The following AP3D1 variants were observed in gnomAD, a reference collection of about 807,000 sequenced individuals.
AP3D1 encodes the protein adaptor related protein complex 3 subunit delta 1, also known as AP-3 complex subunit delta-1.
Under a neutral mutation model 147.6 loss-of-function variants are expected in AP3D1, and 51 were observed. The observed-to-expected ratio is 0.35, with a 90% CI of 0.28 to 0.44. The LOEUF (loss-of-function observed/expected upper bound fraction) is 0.44. Among genes scored for constraint, AP3D1 ranks in the 20% least tolerant of loss-of-function variants. The probability of loss-of-function intolerance (pLI) is 1.00; values close to 1 mark genes in which losing one functional copy is unlikely to be tolerated. For synonymous variants in AP3D1, 760 were observed against 663.0 expected, an observed-to-expected ratio of 1.15 and a Z score of -2.25; for missense variants, 1,421 against 1,624.2, an observed-to-expected ratio of 0.87 and a Z score of 2.15.
chr19:2,133,693 G>A (rs2019006966), intron 4 of AP3D1, among the ~76,000 whole-genome samples: 1 of 151,986 alleles, frequency 6.6e-6, no homozygotes, highest in African/African-American at 2.4e-5. Context: ...TAGTACAGAT[G>A]GGGTTTTACC....
Position 2,136,881 on chromosome 19 carries a change from G to A in AP3D1, c.354+130C>T, listed in dbSNP as rs919756123. On this transcript the variant is annotated intron_variant, in intron 4 of 31. Transcript: ENST00000643116. ...CGTCTGCTGGGAGGACTGTGGCTCC[G>A]GAAGCCCCGCTCGCACTCAAGGGGG... The A allele has an allele frequency of 7.8e-5, 65 of 830,364 alleles. 1 individual carries two copies. Among genetic ancestry groups the A allele is most frequent in the Middle Eastern group, 3.3e-4 (1 of 3,006 alleles). The allele number at this position is 830,364 out of a possible 1,614,324, so 51.4% of individuals were successfully genotyped here.
At chr19:2,164,048 G>GGCGGCC (rs2019811919) in intron 1 of AP3D1, 1 of 468,726 alleles carries the variant, frequency 2.1e-6, no homozygotes, top group Non-Finnish European at 2.9e-6. Flanking sequence ...CGGCGGCGGC[G>GGCGGCC]GCGGCCGAGG....
At chr19:2,104,361 A>G (rs1293555531) in intron 31 of AP3D1, among the ~76,000 whole-genome samples, 1 of 122,644 alleles carries the variant, frequency 8.2e-6, no homozygotes, top group Non-Finnish European at 1.9e-5. Flanking sequence ...CTGAGACGCC[A>G]ACACCCAGAC....
At chr19:2,123,721 G>T in intron 10 of AP3D1, 109 bp downstream of exon 10, 1 of 1,347,208 alleles carries the variant, frequency 7.4e-7, no homozygotes, top group Non-Finnish European at 1.0e-6. Context: ...CCGCAAGATG[G>T]CGTGGGGGGA....
intron 1 of AP3D1, among the ~76,000 whole-genome samples, chr19:2,140,108 C>T (rs1490840096): frequency 6.6e-6 from 1 of 152,124 alleles, no homozygotes; most frequent in African/African-American, 2.4e-5. Flanking sequence ...CTCCCATCCC[C>T]GGAGCAAGGA....
At chr19:2,136,747 G>A (rs550945247) in intron 4 of AP3D1, among the ~76,000 whole-genome samples, 1 of 152,284 alleles carries the variant, frequency 6.6e-6, no homozygotes, top group African/African-American at 2.4e-5. Context: ...CCATTCGCCG[G>A]CCCCTCCAGG....
chr19:2,163,839 C>T (rs1272347306), intron 1 of AP3D1, among the ~76,000 whole-genome samples: 6 of 150,422 alleles, frequency 4.0e-5, no homozygotes, highest in African/African-American at 1.5e-4. Context: ...GTGGCGCGCG[C>T]GGGTCGGCCC....
In AP3D1 at chr19:2,127,841, G is replaced by C. The variant is rs763010408; in HGVS notation, c.807-640C>G. The stretch of plus-strand genomic sequence containing the variant: ...AGCTCCCAGCCCTTTTCGGTGTTTC[G>C]ATGTGTTCAGACACACAGATAATCA... On this transcript the variant is annotated intron_variant, in intron 8 of 31. Transcript: ENST00000643116. Among the ~76,000 whole-genome samples the C allele has an allele frequency of 2.0e-5, 3 of 152,160 alleles. No individual in the cohort carries two copies. The South Asian group carries it at 6.2e-4, about 31-fold the overall frequency.
In AP3D1 at chr19:2,111,797, C is replaced by T. The variant is rs2018288395; in HGVS notation, c.2819G>A (p.Arg940Lys). 6.2e-7 allele frequency: 1 copy of T among 1,613,886 alleles called. No individual in the cohort carries two copies. Among genetic ancestry groups the T allele is most frequent in the Non-Finnish European group, 8.5e-7 (1 of 1,179,982 alleles). Residue 940 changes from arginine to lysine, a missense_variant, in exon 25 of 32, where the codon AGG becomes AAG. Arg to Lys is a conservative substitution (Grantham distance 26, BLOSUM62 2). Around this residue, in one of 6 missense-constraint regions of AP3D1, gnomAD observed 791 missense variants for 761.4 expected, o/e 1.04. Coordinates refer to ENST00000643116, the MANE Select transcript of AP3D1 (RefSeq NM_001261826.3). ...KSPKPKKKKHRKEKEERTKGK... is the reference protein window; with the variant it reads ...KSPKPKKKKHKKEKEERTKGK... ...TTTGGTCCGCTCCTCCTTCTCCTTCCTGTGCTTCTTCTTCTTAGGCTTGGG... is the reference window on the plus strand; with the variant it reads ...TTTGGTCCGCTCCTCCTTCTCCTTCTTGTGCTTCTTCTTCTTAGGCTTGGG...
chr19:2,137,922 T>C (rs1383252486), intron 2 of AP3D1, 115 bp from the exon 3 acceptor site: 6 of 888,906 alleles, frequency 6.7e-6, no homozygotes, highest in Non-Finnish European at 8.9e-6. Flanking sequence ...ACTCATTCAC[T>C]GTCAGCAAAC....
intron 14 of AP3D1, among the ~76,000 whole-genome samples, chr19:2,119,046 C>G (rs2018538167): frequency 6.6e-6 from 1 of 152,322 alleles, no homozygotes; most frequent in East Asian, 1.9e-4. Context: ...GTGGAGATGA[C>G]AGAGCCACTG....
At position 2,125,273 on chromosome 19, in the gene AP3D1, A is replaced by T. The variant is rs2018721899; in HGVS notation, c.857-1394T>A. Among the ~76,000 whole-genome samples, 4 of 152,338 alleles carry T rather than the reference A, an allele frequency of 2.6e-5. No homozygotes were observed. The South Asian group carries it at 8.3e-4, about 32-fold the overall frequency. The stretch of plus-strand genomic sequence containing the variant: ...ATATTCACGCATGCAAGATTTCAGA[A>T]ATGTCACACCCAATCTTTGTAGGAG... On this transcript the variant is annotated intron_variant, in intron 9 of 31. Transcript: ENST00000643116.
chr19:2,150,335 G>A (rs181570076), intron 1 of AP3D1, among the ~76,000 whole-genome samples: 85 of 152,314 alleles, frequency 5.6e-4, no homozygotes, highest in African/African-American at 2.0e-3. Flanking sequence ...CTGCCCAAGG[G>A]CTGCACGGGT....
intron 5 of AP3D1, 98 bp from the exon 6 acceptor site, chr19:2,130,635 C>T (rs780912065): frequency 1.5e-4 from 235 of 1,546,158 alleles, no homozygotes; most frequent in Non-Finnish European, 2.0e-4. Flanking sequence ...AGATGCCCTC[C>T]AGCCCGACGC....
chr19:2,157,004 T>C (rs907965604), intron 1 of AP3D1, among the ~76,000 whole-genome samples: 6 of 146,916 alleles, frequency 4.1e-5, no homozygotes, highest in African/African-American at 1.3e-4. Context: ...ACAAGGTTTG[T>C]TGAAAAAAAC....
chr19:2,164,611 C>T (rs1008425605), upstream of AP3D1: 2 of 201,648 alleles, frequency 9.9e-6, no homozygotes, highest in Non-Finnish European at 2.0e-5. Flanking sequence ...CCGCTCGTTC[C>T]CGGCGCTGTC....
At chr19:2,155,275 A>T (rs995888931), upstream of AP3D1, among the ~76,000 whole-genome samples, 15 of 150,590 alleles carry the variant, frequency 1.0e-4, no homozygotes, top group Non-Finnish European at 2.1e-4. Flanking sequence ...GCAGGAGAAT[A>T]GCTTGAACCC....
rs1415196910 is a variant in AP3D1 at position 2,101,109 on chromosome 19, A to G, written c.*1064T>C. 6.6e-6 allele frequency: 1 copy of G among 152,630 alleles called. No individual in the cohort carries two copies. The highest frequency in any genetic ancestry group is 2.4e-5 in the African/African-American group (1 of 41,458). The allele number at this position is 152,630 out of a possible 1,614,324, so 9.5% of individuals were successfully genotyped here. A position where few individuals can be genotyped will look rare whatever the true frequency, so the allele number is the denominator to read the frequency against. On this transcript the variant is annotated 3_prime_UTR_variant, in exon 32 of 32. Transcript: ENST00000643116. ...CAAATAAATTCTTATGTAACACATC[A>G]TACAATTTCAAATCCTGGAATCACT...
At chr19:2,154,671 C>CT (rs1249163321), upstream of AP3D1, among the ~76,000 whole-genome samples, 1 of 152,236 alleles carries the variant, frequency 6.6e-6, no homozygotes, top group Non-Finnish European at 1.5e-5. Flanking sequence ...AGGCAGGACT[C>CT]TAATCTGATT....
Sources: allele counts gnomAD v4.1 joint callset (sites outside exome capture counted in the v4.1 genomes callset), GRCh38; gene constraint gnomAD v4.1.1; regional missense constraint gnomAD v4.1.1; transcripts MANE v1.5; gene names NCBI Gene and HGNC (gene_info 2026-07-23, HGNC 2026-07-21).